The following ASIC2 variants were observed in gnomAD, a reference collection of about 807,000 sequenced individuals.
The protein encoded by ASIC2 is acid sensing ion channel subunit 2.
ASIC2 carries 25 observed loss-of-function variants against 57.3 expected under a neutral mutation model. That is an observed-to-expected ratio of 0.44 (90% CI 0.32 to 0.61). The LOEUF is 0.61. Among genes scored for constraint, ASIC2 ranks in the 20% least tolerant of loss-of-function variants. The pLI is 0.06. For missense variants in ASIC2, 641 were observed against 738.1 expected, an observed-to-expected ratio of 0.87 and a Z score of 1.52; for synonymous variants, 319 against 307.5, an observed-to-expected ratio of 1.04 and a Z score of -0.39.
chr17:33,883,216 C>T (rs1914746229), intron 1 of ASIC2, among the ~76,000 whole-genome samples: 1 of 152,028 alleles, frequency 6.6e-6, no homozygotes, highest in Admixed American at 6.6e-5. Context: ...GCACGTTGTG[C>T]ACATGTACCC....
chr17:33,403,088 C>G (rs1910339618), intron 1 of ASIC2, among the ~76,000 whole-genome samples: 1 of 152,204 alleles, frequency 6.6e-6, no homozygotes, highest in Admixed American at 6.5e-5. Context: ...TCTGCTGCCT[C>G]TACCATAAAC....
At chr17:33,985,294 C>T (rs897852898) in intron 1 of ASIC2, among the ~76,000 whole-genome samples, 8 of 152,294 alleles carry the variant, frequency 5.3e-5, no homozygotes, top group East Asian at 1.9e-4. Context: ...AACCTCCCCC[C>T]ACTCACACAT....
intron 1 of ASIC2, among the ~76,000 whole-genome samples, chr17:33,622,885 C>T (rs1045182695): frequency 6.6e-6 from 1 of 152,182 alleles, no homozygotes; most frequent in Admixed American, 6.5e-5. Context: ...CCACTTAACT[C>T]AGTTATCAGT....
intron 1 of ASIC2, among the ~76,000 whole-genome samples, chr17:33,981,163 G>A (rs180757265): frequency 1.3e-5 from 2 of 151,958 alleles, no homozygotes; most frequent in Admixed American, 1.3e-4. Context: ...TGTTGGCCAG[G>A]ATGATCTCCA....
intron 1 of ASIC2, among the ~76,000 whole-genome samples, chr17:33,697,083 C>T (rs1335407687): frequency 1.3e-5 from 2 of 152,140 alleles, no homozygotes; most frequent in East Asian, 3.9e-4. Flanking sequence ...TCCCTCCCTA[C>T]TCCTACTCCT....
intron 1 of ASIC2, among the ~76,000 whole-genome samples, chr17:33,687,852 G>C (rs1420452116): frequency 1.3e-5 from 2 of 152,188 alleles, no homozygotes; most frequent in South Asian, 2.1e-4. Context: ...AATCTGGTTA[G>C]AGGAGAAGCC....
chr17:33,244,007 C>T (rs1016449629), intron 1 of ASIC2, among the ~76,000 whole-genome samples: 1 of 152,178 alleles, frequency 6.6e-6, no homozygotes, highest in Non-Finnish European at 1.5e-5. Context: ...CTCCCAGAAA[C>T]CCCTTGTCCC....
chr17:33,666,290 C>T (rs1242742086), intron 1 of ASIC2, among the ~76,000 whole-genome samples: 1 of 152,146 alleles, frequency 6.6e-6, no homozygotes, highest in Non-Finnish European at 1.5e-5. Flanking sequence ...AGTACAATAG[C>T]TGGCAGAAAA....
At chr17:33,217,378 T>C (rs939179318) in intron 1 of ASIC2, among the ~76,000 whole-genome samples, 1 of 152,236 alleles carries the variant, frequency 6.6e-6, no homozygotes, top group Non-Finnish European at 1.5e-5. Context: ...TTTGCTTTTG[T>C]ATATTTGTGA....
Position 33,291,544 on chromosome 17 carries a change from A to C in ASIC2, c.572T>G (p.Phe191Cys). The C allele has an allele frequency of 6.2e-7, 1 of 1,612,160 alleles. No individual in the cohort carries two copies. Among genetic ancestry groups the C allele is most frequent in the East Asian group, 2.2e-5 (1 of 44,840 alleles). Residue 191 changes from phenylalanine (F) to cysteine (C), a missense_variant, in exon 1 of 10, where the codon TTC (phenylalanine) becomes TGC (cysteine). Around this residue, in one of 3 missense-constraint regions of ASIC2, gnomAD observed 382 missense variants for 398.0 expected, o/e 0.96. Transcript: ENST00000225823. ...RRQWFRKLAD[F>C]RLFLPPRHFE... ...GTGGCGCGGAGGCAGGAAGAGGCGG[A>C]AGTCCGCCAGCTTGCGGAACCACTG... is the stretch of plus-strand genomic sequence containing the variant.
intron 1 of ASIC2, among the ~76,000 whole-genome samples, chr17:33,122,931 C>T (rs1025938820): frequency 1.5e-4 from 22 of 145,550 alleles, no homozygotes; most frequent in African/African-American, 4.8e-4. Flanking sequence ...AAATTAAAGC[C>T]ACAAGGAGAT....
intron 1 of ASIC2, among the ~76,000 whole-genome samples, chr17:33,307,557 G>A (rs1265326352): frequency 2.6e-5 from 4 of 152,118 alleles, no homozygotes; most frequent in African/African-American, 7.2e-5. Context: ...TGATCCACCC[G>A]CCTCAGCCTC....
intron 1 of ASIC2, among the ~76,000 whole-genome samples, chr17:33,871,534 G>T (rs1022579494): frequency 6.6e-6 from 1 of 152,108 alleles, no homozygotes; most frequent in Non-Finnish European, 1.5e-5. Context: ...AAGGAAGGAG[G>T]GGTGTGTGTG....
intron 1 of ASIC2, among the ~76,000 whole-genome samples, chr17:33,875,974 T>TATTTTAAAAGAAAATA (rs1914535958): frequency 1.3e-5 from 2 of 152,194 alleles, no homozygotes; most frequent in Non-Finnish European, 2.9e-5. Context: ...TCAATTGTGC[T>TATTTTAAAAGAAAATA]ACTTTAAAAG....
Position 33,626,068 on chromosome 17 carries a change from A to G in ASIC2, c.556-514001T>C, listed in dbSNP as rs560456970. 3.9e-5 allele frequency among the ~76,000 whole-genome samples: 6 copies of G among 152,302 alleles called. No homozygotes were observed. The East Asian group carries it at 9.6e-4, about 24-fold the overall frequency. ...GGCTTTGCTGCCAAGTGATTTTTTG[A>G]TCATTAGCAACTCACATTATCTCTT... is the stretch of plus-strand genomic sequence containing the variant. On this transcript the variant is annotated intron_variant, in intron 1 of 9. Coordinates refer to the ASIC2 transcript ENST00000359872.
chr17:33,526,539 G>T (rs930655631), intron 1 of ASIC2, among the ~76,000 whole-genome samples: 8 of 152,162 alleles, frequency 5.3e-5, no homozygotes, highest in African/African-American at 1.9e-4. Flanking sequence ...CTCTCCACTT[G>T]TTTCTCTTAT....
intron 1 of ASIC2, among the ~76,000 whole-genome samples, chr17:33,564,994 C>T (rs1916189921): frequency 6.6e-6 from 1 of 152,222 alleles, no homozygotes; most frequent in African/African-American, 2.4e-5. Context: ...ATGCTAATGA[C>T]TGGTTTGCTG....
chr17:33,509,689 T>C (rs559057699), intron 1 of ASIC2, among the ~76,000 whole-genome samples: 58 of 152,368 alleles, frequency 3.8e-4, no homozygotes, highest in African/African-American at 1.4e-3. Context: ...ATGTAGCCTA[T>C]GGGGCTGGTC....
intron 1 of ASIC2, among the ~76,000 whole-genome samples, chr17:33,630,931 A>G (rs1285014408): frequency 6.6e-6 from 1 of 152,260 alleles, no homozygotes; most frequent in East Asian, 1.9e-4. Flanking sequence ...GCAAAGTCCT[A>G]TCTCACCAAA....
Sources: gnomAD v4.1 joint callset for allele counts (sites outside exome capture counted in the v4.1 genomes callset) on GRCh38, gnomAD v4.1.1 for gene constraint, gnomAD v4.1.1 regional missense constraint, MANE v1.5 for transcripts, NCBI Gene and HGNC (gene_info 2026-07-23, HGNC 2026-07-21) for gene names.